TTC33: variants seen among roughly 807,000 people sequenced by gnomAD.
The protein encoded by TTC33 is tetratricopeptide repeat protein 33.
Under a neutral mutation model 29.4 loss-of-function variants are expected in TTC33, and 24 were observed. The ratio of observed to expected loss-of-function variants is 0.82; its 90% confidence interval spans 0.59 to 1.15. TTC33 has a LOEUF of 1.15. Among genes scored for constraint, TTC33 ranks in the 50% most tolerant of loss-of-function variants. TTC33 has a pLI of 0.00. For synonymous variants in TTC33, 107 were observed against 100.3 expected (o/e 1.07, Z -0.40); for missense variants, 286 against 310.4 (o/e 0.92, Z 0.59).
At chr5:40,740,189 A>G (rs1458689543) in intron 2 of TTC33, among the ~76,000 whole-genome samples, 1 of 151,560 alleles carries the variant, frequency 6.6e-6, no homozygotes, top group African/African-American at 2.4e-5. Context: ...AAGAATTTAA[A>G]TTTTTTGTTT....
chr5:40,718,175 G>T (rs922251873), intron 4 of TTC33, among the ~76,000 whole-genome samples: 2 of 152,054 alleles, frequency 1.3e-5, no homozygotes, highest in Non-Finnish European at 1.5e-5. Context: ...CCAACTCTTT[G>T]GGAGGCCGAG....
In TTC33 at chr5:40,747,026, A is replaced by T. The variant is rs776416359; in HGVS notation, c.-1-7T>A. The T allele has an allele frequency of 1.1e-5, 17 of 1,599,328 alleles. No homozygotes were observed. Among genetic ancestry groups the T allele is most frequent in the Non-Finnish European group, 1.7e-6 (2 of 1,175,564 alleles). Reference sequence around the variant, plus strand: ...CCACCCAAAGGAAGCCATTCTGGAAAATTACAAAGAAACAGCTTTAAAATT... The same window carrying T: ...CCACCCAAAGGAAGCCATTCTGGAATATTACAAAGAAACAGCTTTAAAATT... On this transcript the variant is annotated splice_polypyrimidine_tract_variant and splice_region_variant and intron_variant, in intron 1 of 4. Coordinates refer to ENST00000337702, the MANE Select transcript of TTC33 (RefSeq NM_012382.3).
chr5:40,738,181 G>A (rs964562398), intron 2 of TTC33, among the ~76,000 whole-genome samples: 34 of 152,264 alleles, frequency 2.2e-4, no homozygotes, highest in African/African-American at 7.5e-4. Flanking sequence ...GGAGGCCAAG[G>A]CAGGCAGATA....
intron 4 of TTC33, among the ~76,000 whole-genome samples, chr5:40,722,872 C>T (rs1404167051): frequency 9.3e-5 from 14 of 151,044 alleles, no homozygotes; most frequent in Non-Finnish European, 1.5e-4. Context: ...GGGGCGCCTC[C>T]GCCCGGCTGC....
intron 2 of TTC33, among the ~76,000 whole-genome samples, chr5:40,738,623 GAC>G (rs1742625057): frequency 6.8e-6 from 1 of 146,826 alleles, no homozygotes; most frequent in Admixed American, 6.7e-5. Flanking sequence ...GAAACAACCA[GAC>G]AGTTTGCCAA....
chr5:40,738,504 CAATAAAATACAATAA>C (rs1561151196), intron 2 of TTC33, among the ~76,000 whole-genome samples: 6 of 102,670 alleles, frequency 5.8e-5, no homozygotes, highest in African/African-American at 1.5e-4. Flanking sequence ...CAATACAATA[CAATAAAATACAATAA>C]AATAAAATAC....
At chr5:40,718,454 G>A (rs957140232) in intron 4 of TTC33, among the ~76,000 whole-genome samples, 4 of 151,054 alleles carry the variant, frequency 2.6e-5, no homozygotes, top group Non-Finnish European at 5.9e-5. Flanking sequence ...ATATAAAGCA[G>A]TATTTGGCCA....
At chr5:40,740,574 TG>T (rs1742671136) in intron 2 of TTC33, among the ~76,000 whole-genome samples, 2 of 152,136 alleles carry the variant, frequency 1.3e-5, no homozygotes, top group South Asian at 4.1e-4. Flanking sequence ...CCACATTAAC[TG>T]GAAGTAGCAG....
chr5:40,750,069 C>A lies in TTC33; in HGVS notation c.-1-3050G>T, dbSNP rs1742866369. Among the ~76,000 whole-genome samples, 4 of 140,014 alleles carry A rather than the reference C, an allele frequency of 2.9e-5. No homozygotes were observed. The South Asian group carries it at 9.1e-4, about 32-fold the overall frequency. The allele number at this position is 140,014 out of a possible 152,430, so 91.9% of individuals were successfully genotyped here. Reference sequence around the variant, plus strand: ...CACCACTGCATTCCAGCCTGAGCAACAGAGCGAAACTCCATCTCAAAAAAA... The same window carrying A: ...CACCACTGCATTCCAGCCTGAGCAAAAGAGCGAAACTCCATCTCAAAAAAA... On this transcript the variant is annotated intron_variant, in intron 1 of 4. Transcript: ENST00000337702.
intron 2 of TTC33, among the ~76,000 whole-genome samples, chr5:40,735,337 A>C (rs1014065704): frequency 1.3e-5 from 2 of 152,200 alleles, no homozygotes; most frequent in Admixed American, 6.5e-5. Flanking sequence ...AACCAAAGTA[A>C]TTTAGGTATG....
intron 1 of TTC33, among the ~76,000 whole-genome samples, chr5:40,747,736 C>T (rs1279261847): frequency 5.9e-5 from 9 of 152,154 alleles, no homozygotes; most frequent in Admixed American, 2.6e-4. Flanking sequence ...AACAAGGTAA[C>T]CCCTAAATTA....
intron 2 of TTC33, among the ~76,000 whole-genome samples, chr5:40,733,224 G>T (rs1019965078): frequency 6.6e-6 from 1 of 152,286 alleles, no homozygotes; most frequent in Middle Eastern, 3.4e-3. Flanking sequence ...GAACCTGGAT[G>T]TTTGAGGTTT....
chr5:40,752,278 G>A (rs956575441), intron 1 of TTC33, among the ~76,000 whole-genome samples: 14 of 152,152 alleles, frequency 9.2e-5, no homozygotes, highest in African/African-American at 2.4e-4. Context: ...GCAATAAAGC[G>A]GTTTTTGCTT....
At chr5:40,716,599 C>G in intron 4 of TTC33, 101 bp from the exon 5 acceptor site, 1 of 742,874 alleles carries the variant, frequency 1.3e-6, no homozygotes, top group South Asian at 1.9e-5. Context: ...ACATACACAT[C>G]CTAATGCATT....
At chr5:40,723,267 A>G (rs1437444740) in intron 4 of TTC33, among the ~76,000 whole-genome samples, 1 of 151,966 alleles carries the variant, frequency 6.6e-6, no homozygotes, top group Non-Finnish European at 1.5e-5. Flanking sequence ...CCACTCCCTA[A>G]TCTCAAGTAC....
chr5:40,711,591 A>G lies in TTC33; in HGVS notation c.*4554T>C, dbSNP rs1741900208. Among the ~76,000 whole-genome samples, 2 of 152,164 alleles carry G rather than the reference A, an allele frequency of 1.3e-5. No individual in the cohort carries two copies. Reference sequence around the variant, plus strand: ...ACACATAGAATTGTGATTTATATATATAGCAGCTTTATTCATAATAGATCA... The same window carrying G: ...ACACATAGAATTGTGATTTATATATGTAGCAGCTTTATTCATAATAGATCA... On this transcript the variant is annotated 3_prime_UTR_variant, in exon 5 of 5. Transcript: ENST00000337702.
intron 2 of TTC33, among the ~76,000 whole-genome samples, chr5:40,743,878 C>CA (rs1742744904): frequency 6.6e-6 from 1 of 152,180 alleles, no homozygotes; most frequent in Non-Finnish European, 1.5e-5. Context: ...TGTTCTCCAT[C>CA]CAAAATAAAG....
intron 2 of TTC33, among the ~76,000 whole-genome samples, chr5:40,739,491 G>T (rs1742646932): frequency 6.6e-6 from 1 of 152,148 alleles, no homozygotes; most frequent in Non-Finnish European, 1.5e-5. Context: ...CATGGGGGCA[G>T]GTTTCCCTCT....
chr5:40,715,193 T>C lies in TTC33; in HGVS notation c.*952A>G, dbSNP rs568195181. On this transcript the variant is annotated 3_prime_UTR_variant, in exon 5 of 5. Transcript: ENST00000337702. ...TATTTAAAATTGTAATTATTTTTCA[T>C]TTCACTGAGTAGTTTCAAAAAAAGT... The C allele has an allele frequency of 6.6e-6, 1 of 152,238 alleles. No homozygotes were observed. The highest frequency in any genetic ancestry group is 2.4e-5 in the African/African-American group (1 of 41,576). 9.4% of individuals were successfully genotyped at this position (152,238 alleles called of 1,614,324 possible).
Sources: gnomAD v4.1 joint callset for allele counts (sites outside exome capture counted in the v4.1 genomes callset) on GRCh38, gnomAD v4.1.1 for gene constraint, MANE v1.5 for transcripts, NCBI Gene and HGNC (gene_info 2026-07-23, HGNC 2026-07-21) for gene names.